Variants in C3orf20 observed in about 807,000 individuals in gnomAD.
C3orf20 encodes the protein uncharacterized protein C3orf20.
In C3orf20, 76 loss-of-function variants were observed where a neutral mutation model predicts 88.3. The observed-to-expected ratio is 0.86, with a 90% CI of 0.72 to 1.04. The LOEUF (loss-of-function observed/expected upper bound fraction) is 1.04, where lower values mean the gene tolerates loss of function less well. C3orf20 is among the 50% of genes least tolerant of loss of function. The pLI, the probability that C3orf20 is intolerant of heterozygous loss-of-function variation, is 0.00. For missense variants in C3orf20, 1,056 were observed against 1,123.3 expected (o/e 0.94, Z 0.86); for synonymous variants, 436 against 437.4 (o/e 1.00, Z 0.04).
intron 12 of C3orf20, among the ~76,000 whole-genome samples, chr3:14,737,880 A>G (rs908800645): frequency 6.6e-6 from 1 of 152,216 alleles, no homozygotes; most frequent in African/African-American, 2.4e-5. Context: ...TGTTTATGGC[A>G]TCTTCACCAG....
At chr3:14,709,938 A>G (rs1391972618) in intron 7 of C3orf20, among the ~76,000 whole-genome samples, 2 of 152,202 alleles carry the variant, frequency 1.3e-5, no homozygotes, top group East Asian at 1.9e-4. Context: ...CTTGAGGAGG[A>G]TTGGTATTAA....
At chr3:14,760,779 T>G (rs1243415739) in intron 14 of C3orf20, among the ~76,000 whole-genome samples, 2 of 151,992 alleles carry the variant, frequency 1.3e-5, no homozygotes, top group Non-Finnish European at 2.9e-5. Context: ...CCGGCTAATT[T>G]TTGTATTTTT....
intron 12 of C3orf20, among the ~76,000 whole-genome samples, chr3:14,731,374 C>G (rs760782408): frequency 8.5e-5 from 13 of 152,110 alleles, no homozygotes; most frequent in Non-Finnish European, 1.8e-4. Context: ...CCACATCACC[C>G]CCACATTCAG....
chr3:14,734,914 GA>G (rs1360597124), intron 12 of C3orf20, among the ~76,000 whole-genome samples: 1 of 151,868 alleles, frequency 6.6e-6, no homozygotes, highest in Non-Finnish European at 1.5e-5. Context: ...TAAACATTGT[GA>G]ATTTTCCATT....
chr3:14,690,167 G>A, intron 5 of C3orf20, 51 bp downstream of exon 5: 1 of 1,611,856 alleles, frequency 6.2e-7, no homozygotes, highest in East Asian at 2.2e-5. Flanking sequence ...GCGGTGGGGT[G>A]GGGGATAGGT....
intron 6 of C3orf20, among the ~76,000 whole-genome samples, 193 bp downstream of exon 6, chr3:14,703,455 G>T (rs892347400): frequency 6.6e-6 from 1 of 152,194 alleles, no homozygotes; most frequent in Non-Finnish European, 1.5e-5. Context: ...ACACACACCC[G>T]TGTCCTTCCC....
chr3:14,736,447 T>C (rs1297586166), intron 12 of C3orf20, among the ~76,000 whole-genome samples: 1 of 151,940 alleles, frequency 6.6e-6, no homozygotes, highest in African/African-American at 2.4e-5. Context: ...TGTGCCACCA[T>C]ACCTGGCTAA....
At position 14,761,474 on chromosome 3, in the gene C3orf20, T is replaced by C; in HGVS notation, c.2354T>C (p.Met785Thr). ...KNSVVQGMILMFAGGKLIFGG... is the reference protein window; with the variant it reads ...KNSVVQGMILTFAGGKLIFGG... ...TCCTCATTTCCTTCCTGTCAACAGATGTTTGCCGGGGGGAAGCTCATTTTT... is the reference window on the plus strand; with the variant it reads ...TCCTCATTTCCTTCCTGTCAACAGACGTTTGCCGGGGGGAAGCTCATTTTT... The change falls in exon 15 of 17, where the codon ATG becomes ACG. Residue 785 changes from methionine to threonine, a missense_variant and splice_region_variant. By Grantham distance (81) the Met-to-Thr change is moderately conservative. Transcript: ENST00000253697. The C allele has an allele frequency of 5.6e-6, 9 of 1,614,090 alleles. No homozygotes were observed. The highest frequency in any genetic ancestry group is 1.1e-5 in the South Asian group (1 of 91,086).
At chr3:14,687,430 C>G (rs1404691506) in intron 4 of C3orf20, among the ~76,000 whole-genome samples, 6 of 152,130 alleles carry the variant, frequency 3.9e-5, no homozygotes, top group Non-Finnish European at 8.8e-5. Flanking sequence ...TACACTGTGC[C>G]TGTTTTGTTT....
chr3:14,726,701 G>C (rs114710482), intron 10 of C3orf20, among the ~76,000 whole-genome samples, 200 bp from the exon 11 acceptor site: 1,620 of 152,268 alleles, frequency 0.011, 29 homozygotes, highest in African/African-American at 0.037. Context: ...AAAACCCTCC[G>C]AGGAGAGGCC....
At position 14,682,924 on chromosome 3, in the gene C3orf20, G is replaced by T. The variant is rs746816920; in HGVS notation, c.211G>T (p.Val71Phe). 4 of 1,614,160 alleles carry T rather than the reference G, an allele frequency of 2.5e-6. No individual in the cohort carries two copies. Among genetic ancestry groups the T allele is most frequent in the Non-Finnish European group, 2.5e-6 (3 of 1,180,026 alleles). The change falls in exon 3 of 17, where the codon GTC becomes TTC. Residue 71 changes from valine (V) to phenylalanine (F), a missense_variant. Transcript: ENST00000253697. ...PTPSDILGLE[V>F]SFGAPLVVLM... ...CCCGTCCGACATCTTGGGCCTGGAG[G>T]TCAGCTTTGGAGCCCCCCTGGTGGT... is the stretch of plus-strand genomic sequence containing the variant.
chr3:14,750,142 A>G (rs895642577), intron 12 of C3orf20, among the ~76,000 whole-genome samples: 1 of 152,154 alleles, frequency 6.6e-6, no homozygotes, highest in Non-Finnish European at 1.5e-5. Context: ...ACCTGGACTC[A>G]ATGGCATGTT....
intron 5 of C3orf20, among the ~76,000 whole-genome samples, chr3:14,693,553 C>A (rs2032832383): frequency 6.6e-6 from 1 of 152,156 alleles, no homozygotes; most frequent in Non-Finnish European, 1.5e-5. Flanking sequence ...TTGTATCCTG[C>A]AACCTTACTG....
intron 13 of C3orf20, among the ~76,000 whole-genome samples, chr3:14,759,530 G>T (rs1317039753): frequency 6.6e-6 from 1 of 152,148 alleles, no homozygotes; most frequent in Non-Finnish European, 1.5e-5. Context: ...CCTGGAAACG[G>T]GTCCACCTAA....
At chr3:14,676,737 CAGTA>C (rs779639588) in intron 1 of C3orf20, among the ~76,000 whole-genome samples, 48 of 152,324 alleles carry the variant, frequency 3.2e-4, no homozygotes, top group Middle Eastern at 6.8e-3. Context: ...AGACCCATCA[CAGTA>C]AGGGCCCTTT....
chr3:14,703,055 C>T (rs776854566), intron 5 of C3orf20, 75 bp from the exon 6 acceptor site: 4 of 1,546,776 alleles, frequency 2.6e-6, no homozygotes, highest in Non-Finnish European at 3.6e-6. Flanking sequence ...GGTCTCACAT[C>T]CAGGTGACAC....
intron 12 of C3orf20, among the ~76,000 whole-genome samples, chr3:14,747,484 T>C (rs2035090108): frequency 1.3e-5 from 2 of 152,200 alleles, no homozygotes; most frequent in African/African-American, 4.8e-5. Flanking sequence ...CTGCCCTTAG[T>C]AATTCAATGA....
chr3:14,698,250 A>G (rs2033096664), intron 5 of C3orf20, among the ~76,000 whole-genome samples: 2 of 152,224 alleles, frequency 1.3e-5, no homozygotes, highest in Non-Finnish European at 1.5e-5. Flanking sequence ...GAAAGGTAAC[A>G]TATCTGTTTC....
intron 7 of C3orf20, among the ~76,000 whole-genome samples, chr3:14,708,260 A>AT: frequency 6.6e-6 from 1 of 152,220 alleles, no homozygotes; most frequent in East Asian, 1.9e-4. Flanking sequence ...TCCCAGTACC[A>AT]TTTATTTAAG....
Sources: gnomAD v4.1 joint callset for allele counts (sites outside exome capture counted in the v4.1 genomes callset) on GRCh38, gnomAD v4.1.1 for gene constraint, MANE v1.5 for transcripts, NCBI Gene and HGNC (gene_info 2026-07-23, HGNC 2026-07-21) for gene names.